MDGA2: variants seen among roughly 807,000 people sequenced by gnomAD.
The protein encoded by MDGA2 is MAM domain containing glycosylphosphatidylinositol anchor 2.
In MDGA2, 40 loss-of-function variants were observed where a neutral mutation model predicts 117.8. The observed-to-expected ratio is 0.34, with a 90% CI of 0.26 to 0.44. The LOEUF (loss-of-function observed/expected upper bound fraction) is 0.44. Ranked by LOEUF, MDGA2 falls within the 20% of genes least tolerant of loss-of-function variation. The probability of loss-of-function intolerance (pLI) is 1.00; values close to 1 mark genes in which losing one functional copy is unlikely to be tolerated. For missense variants in MDGA2, 1,123 were observed against 1,250.6 expected, an observed-to-expected ratio of 0.90 and a Z score of 1.54; for synonymous variants, 452 against 439.0, an observed-to-expected ratio of 1.03 and a Z score of -0.37.
rs140159954 is a variant in MDGA2 at position 47,147,618 on chromosome 14, T to C, written c.596-3344A>G. 8.5e-5 allele frequency among the ~76,000 whole-genome samples: 13 copies of C among 152,328 alleles called. No individual in the cohort carries two copies. The East Asian group carries it at 2.3e-3, about 27-fold the overall frequency. On this transcript the variant is annotated intron_variant, in intron 3 of 16. Transcript: ENST00000399232. ...TTCTAGAGAGAGCAATTTTACCTGATAGCAATCATCTGTTAATACTCTCAG... is the reference window on the plus strand; with the variant it reads ...TTCTAGAGAGAGCAATTTTACCTGACAGCAATCATCTGTTAATACTCTCAG...
chr14:47,080,029 C>A (rs1459839563), intron 6 of MDGA2, among the ~76,000 whole-genome samples: 1 of 152,098 alleles, frequency 6.6e-6, no homozygotes, highest in Non-Finnish European at 1.5e-5. Flanking sequence ...CCGTGCCCGG[C>A]CTTTTCTCCT....
intron 1 of MDGA2, among the ~76,000 whole-genome samples, chr14:47,653,042 T>A (rs1311549756): frequency 6.6e-6 from 1 of 151,300 alleles, no homozygotes; most frequent in Non-Finnish European, 1.5e-5. Flanking sequence ...AAAAACCAAC[T>A]CATGGAGCCA....
chr14:46,846,132 C>G (rs572939101), intron 15 of MDGA2, among the ~76,000 whole-genome samples: 1 of 150,164 alleles, frequency 6.7e-6, no homozygotes, highest in South Asian at 2.1e-4. Flanking sequence ...TTAAATAATA[C>G]AATTAAAAAA....
chr14:47,160,987 T>C (rs748767984), intron 3 of MDGA2, among the ~76,000 whole-genome samples: 1 of 152,206 alleles, frequency 6.6e-6, no homozygotes, highest in Non-Finnish European at 1.5e-5. Context: ...TCTAAGGTTA[T>C]GTCTCTTTCC....
At chr14:47,219,822 A>T (rs1886233622) in intron 2 of MDGA2, among the ~76,000 whole-genome samples, 1 of 152,154 alleles carries the variant, frequency 6.6e-6, no homozygotes, top group African/African-American at 2.4e-5. Context: ...AAAATAGCAT[A>T]TGTGTGTATT....
intron 1 of MDGA2, among the ~76,000 whole-genome samples, chr14:47,319,435 T>G (rs942753163): frequency 4.6e-5 from 7 of 152,202 alleles, no homozygotes; most frequent in African/African-American, 1.7e-4. Flanking sequence ...GTATTAAATA[T>G]ATGTTCCTCC....
rs1448281805 is a variant in MDGA2, at chr14:47,633,129, C to T, written c.280+41388G>A. Among the ~76,000 whole-genome samples, 9 of 152,182 alleles carry T rather than the reference C, an allele frequency of 5.9e-5. No individual in the cohort carries two copies. In the South Asian group the frequency reaches 1.7e-3, roughly 28 times the overall value. On this transcript the variant is annotated intron_variant, in intron 1 of 16. Coordinates refer to ENST00000399232, the MANE Select transcript of MDGA2 (RefSeq NM_001113498.3). ...CCCTAGAAATGTTTTTGGTCAGTAT[C>T]CTAACTGCGCTCATCATGCCCCCTA...
In MDGA2 at chr14:47,367,333, T is replaced by C. The variant is rs548454027; in HGVS notation, c.281-65783A>G. Among the ~76,000 whole-genome samples, 70 of 152,316 alleles carry C rather than the reference T, an allele frequency of 4.6e-4. 2 individuals are homozygous for C. The South Asian group carries it at 0.013, about 29-fold the overall frequency. The stretch of plus-strand genomic sequence containing the variant: ...AGATTGCTATCCCTAAAAATATTTG[T>C]CTCTGGCTGTACCAAAAAAGAGTAT... On this transcript the variant is annotated intron_variant, in intron 1 of 16. Transcript: ENST00000399232.
intron 1 of MDGA2, among the ~76,000 whole-genome samples, chr14:47,601,782 A>G (rs924802839): frequency 3.8e-4 from 58 of 152,286 alleles, no homozygotes; most frequent in African/African-American, 1.4e-3. Flanking sequence ...TAGTGTTTAG[A>G]TCTGTTAGCC....
At chr14:47,101,714 A>C (rs1281675674) in intron 5 of MDGA2, among the ~76,000 whole-genome samples, 3 of 152,210 alleles carry the variant, frequency 2.0e-5, no homozygotes, top group Non-Finnish European at 4.4e-5. Context: ...TTCAGACATC[A>C]TGCTCCAGGC....
intron 5 of MDGA2, among the ~76,000 whole-genome samples, chr14:47,109,250 A>C (rs577473886): frequency 6.6e-6 from 1 of 152,196 alleles, no homozygotes; most frequent in South Asian, 2.1e-4. Context: ...CAGAGCATGA[A>C]CTTTCTATTT....
intron 8 of MDGA2, among the ~76,000 whole-genome samples, chr14:47,026,931 G>A (rs1888494588): frequency 6.6e-6 from 1 of 152,070 alleles, no homozygotes; most frequent in African/African-American, 2.4e-5. Flanking sequence ...CAGCACTTGG[G>A]AAAGCTGAGA....
chr14:47,204,896 T>G (rs2139456160), intron 3 of MDGA2, among the ~76,000 whole-genome samples: 1 of 152,084 alleles, frequency 6.6e-6, no homozygotes, highest in East Asian at 1.9e-4. Flanking sequence ...ATTCCTATTT[T>G]TGCCAACAAC....
chr14:47,437,418 A>G (rs1047579616), intron 1 of MDGA2, among the ~76,000 whole-genome samples: 7 of 152,140 alleles, frequency 4.6e-5, no homozygotes, highest in Non-Finnish European at 1.0e-4. Flanking sequence ...ATTCCATTTC[A>G]TATCTTTGAT....
chr14:47,018,183 C>A (rs964231201), intron 8 of MDGA2, among the ~76,000 whole-genome samples: 6 of 151,564 alleles, frequency 4.0e-5, no homozygotes, highest in African/African-American at 1.5e-4. Flanking sequence ...AAAGAAACGC[C>A]TTTATTAGTC....
chr14:47,306,390 G>T (rs1889446189), intron 1 of MDGA2, among the ~76,000 whole-genome samples: 1 of 152,176 alleles, frequency 6.6e-6, no homozygotes, highest in Admixed American at 6.5e-5. Context: ...GGGGGTGGAG[G>T]GTTGTTGGCA....
intron 1 of MDGA2, among the ~76,000 whole-genome samples, chr14:47,548,084 C>T (rs759766543): frequency 1.3e-5 from 2 of 152,098 alleles, no homozygotes; most frequent in Non-Finnish European, 2.9e-5. Context: ...AAGTTACAAA[C>T]TAAAATATAT....
chr14:46,869,093 G>C (rs989769527), intron 14 of MDGA2, among the ~76,000 whole-genome samples: 2 of 151,690 alleles, frequency 1.3e-5, no homozygotes, highest in South Asian at 2.1e-4. Context: ...CTATTTATCA[G>C]TTCTTTTACA....
intron 1 of MDGA2, among the ~76,000 whole-genome samples, chr14:47,320,227 C>G (rs1035713842): frequency 6.6e-6 from 1 of 152,082 alleles, no homozygotes; most frequent in Non-Finnish European, 1.5e-5. Flanking sequence ...CACTATTAAA[C>G]AATTTGTGGC....
Sources: allele counts gnomAD v4.1 joint callset (sites outside exome capture counted in the v4.1 genomes callset), GRCh38; gene constraint gnomAD v4.1.1; transcripts MANE v1.5; gene names NCBI Gene and HGNC (gene_info 2026-07-23, HGNC 2026-07-21).